PHACTR1: variants seen among roughly 807,000 people sequenced by gnomAD.
PHACTR1 encodes phosphatase and actin regulator 1, also known as RPEL repeat containing 1.
A neutral mutation model predicts 69.2 loss-of-function variants in PHACTR1; 16 were observed. That is an observed-to-expected ratio of 0.23 (90% CI 0.16 to 0.35). The LOEUF (loss-of-function observed/expected upper bound fraction) is 0.35, where lower values mean the gene tolerates loss of function less well. Among genes scored for constraint, PHACTR1 ranks in the 10% least tolerant of loss-of-function variants. PHACTR1 has a pLI of 1.00. For synonymous variants in PHACTR1, 312 were observed against 284.5 expected (o/e 1.10, Z -0.97); for missense variants, 510 against 734.7 (o/e 0.69, Z 3.54).
At position 13,003,965 on chromosome 6, in the gene PHACTR1, G is replaced by GTATATATATATATATATATATATATGTA. The variant is rs772804033; in HGVS notation, c.251-49386_251-49385insTATATATATATGTATATATATATATATA. On this transcript the variant is annotated intron_variant, in intron 4 of 14. Transcript: ENST00000332995. ...CAGTAGTATTCCTATATATATATAT[G>GTATATATATATATATATATATATATGTA]TATATATATATATACACATATATAT... Among the ~76,000 whole-genome samples, 13 of 96,312 alleles carry GTATATATATATATATATATATATATGTA rather than the reference G, an allele frequency of 1.3e-4. 2 individuals are homozygous for GTATATATATATATATATATATATATGTA. The highest frequency in any genetic ancestry group is 5.9e-4 in the African/African-American group (10 of 17,012). The allele number at this position is 96,312 out of a possible 152,430, so 63.2% of individuals were successfully genotyped here.
At chr6:13,262,695 T>G (rs373659292) in intron 10 of PHACTR1, among the ~76,000 whole-genome samples, 50 of 152,288 alleles carry the variant, frequency 3.3e-4, no homozygotes, top group African/African-American at 1.1e-3. Flanking sequence ...TGCTTCTCCC[T>G]TTCCCCTGAT....
At chr6:13,027,978 G>GAT (rs1274458840) in intron 4 of PHACTR1, among the ~76,000 whole-genome samples, 2 of 152,180 alleles carry the variant, frequency 1.3e-5, no homozygotes, top group African/African-American at 2.4e-5. Flanking sequence ...CGCCTGGCCT[G>GAT]ATATATGGAT....
At chr6:13,154,577 T>C (rs1303448722) in intron 5 of PHACTR1, among the ~76,000 whole-genome samples, 1 of 152,204 alleles carries the variant, frequency 6.6e-6, no homozygotes, top group African/African-American at 2.4e-5. Flanking sequence ...ATATCTGCTC[T>C]CATGCTTTTC....
chr6:12,980,099 T>C (rs1046976350), intron 4 of PHACTR1, among the ~76,000 whole-genome samples: 33 of 152,136 alleles, frequency 2.2e-4, no homozygotes, highest in Non-Finnish European at 4.7e-4. Flanking sequence ...CTGGTCAAAT[T>C]ATTTTGTTTT....
At chr6:13,015,187 C>G (rs1800005250) in intron 4 of PHACTR1, among the ~76,000 whole-genome samples, 1 of 152,162 alleles carries the variant, frequency 6.6e-6, no homozygotes, top group Non-Finnish European at 1.5e-5. Context: ...TAGTCGGCCT[C>G]TGAAGTGCAG....
intron 3 of PHACTR1, chr6:12,749,309 GGTGTCAGCCAAAAGCACTGGC>G: frequency 2.4e-6 from 1 of 408,834 alleles, no homozygotes; most frequent in East Asian, 5.9e-5. Flanking sequence ...CGGGAGGCGG[GGTGTCAGCCAAAAGCACTGGC>G]CCCTCGGCCC....
intron 4 of PHACTR1, among the ~76,000 whole-genome samples, chr6:12,752,263 A>T (rs1328258663): frequency 1.3e-5 from 2 of 152,220 alleles, no homozygotes; most frequent in East Asian, 3.8e-4. Flanking sequence ...AGCCTTGTTT[A>T]TCTCCTTAAG....
At chr6:13,219,697 C>T (rs114887063) in intron 8 of PHACTR1, among the ~76,000 whole-genome samples, 2 of 152,246 alleles carry the variant, frequency 1.3e-5, no homozygotes, top group Admixed American at 6.5e-5. Flanking sequence ...TCCATAATAG[C>T]GCTCATCATG....
intron 4 of PHACTR1, among the ~76,000 whole-genome samples, chr6:12,755,946 A>C (rs941596385): frequency 4.6e-5 from 7 of 152,218 alleles, no homozygotes; most frequent in African/African-American, 1.4e-4. Context: ...ACCTCTAAGC[A>C]CTGACCTAGC....
At chr6:12,962,681 C>A (rs1222236502) in intron 4 of PHACTR1, among the ~76,000 whole-genome samples, 1 of 152,182 alleles carries the variant, frequency 6.6e-6, no homozygotes. Flanking sequence ...TTGTACCTAA[C>A]AAGTTTTGCA....
In PHACTR1 at chr6:13,260,184, C is replaced by T. The variant is rs539656951; in HGVS notation, c.1392-12676C>T. Reference sequence around the variant, plus strand: ...TAATTGGTGGTTTTGGAGCATTCATCGTCCAACTGAGAAGATCTTCATGTA... The same window carrying T: ...TAATTGGTGGTTTTGGAGCATTCATTGTCCAACTGAGAAGATCTTCATGTA... On this transcript the variant is annotated intron_variant, in intron 10 of 14. Coordinates refer to ENST00000332995, the MANE Select transcript of PHACTR1 (RefSeq NM_030948.6). Among the ~76,000 whole-genome samples, 13 of 152,284 alleles carry T rather than the reference C, an allele frequency of 8.5e-5. No homozygotes were observed. The South Asian group carries it at 1.2e-3, about 15-fold the overall frequency.
chr6:13,108,502 T>G (rs1816519878), intron 5 of PHACTR1, among the ~76,000 whole-genome samples: 1 of 152,112 alleles, frequency 6.6e-6, no homozygotes. Flanking sequence ...TTTTTCCTCC[T>G]TTCATACTGT....
At chr6:12,976,824 G>A (rs528204111) in intron 4 of PHACTR1, among the ~76,000 whole-genome samples, 17 of 152,010 alleles carry the variant, frequency 1.1e-4, no homozygotes, top group Non-Finnish European at 1.5e-4. Context: ...TTGTGTTCAC[G>A]TAACTGATTT....
chr6:13,000,564 C>T (rs1266473137), intron 4 of PHACTR1, among the ~76,000 whole-genome samples: 6 of 127,632 alleles, frequency 4.7e-5, no homozygotes, highest in African/African-American at 1.8e-4. Flanking sequence ...GAGAGAGAGA[C>T]AAAGAGAGAG....
chr6:12,992,027 C>T (rs1796878264), intron 4 of PHACTR1, among the ~76,000 whole-genome samples: 2 of 151,744 alleles, frequency 1.3e-5, no homozygotes, highest in African/African-American at 4.8e-5. Context: ...CCACCGACAA[C>T]ACACACATTG....
intron 5 of PHACTR1, among the ~76,000 whole-genome samples, chr6:13,081,863 G>T (rs898390910): frequency 2.6e-5 from 4 of 152,098 alleles, no homozygotes; most frequent in Non-Finnish European, 5.9e-5. Flanking sequence ...GGGAAGCGTG[G>T]TTTGTCCTGT....
At position 12,809,638 on chromosome 6, in the gene PHACTR1, A is replaced by G. The variant is rs191454305; in HGVS notation, c.250+59848A>G. 4.2e-3 allele frequency among the ~76,000 whole-genome samples: 638 copies of G among 152,274 alleles called. 5 individuals carry two copies. The highest frequency in any genetic ancestry group is 0.015 in the African/African-American group (616 of 41,548). On this transcript the variant is annotated intron_variant, in intron 4 of 14. Transcript: ENST00000332995. ...AGTTTCTCCATTTATAAAAAATTCT[A>G]TTTACTTCTAGGGAATATTATGCCC... is the stretch of plus-strand genomic sequence containing the variant.
At chr6:12,770,236 A>G (rs1473565432) in intron 4 of PHACTR1, among the ~76,000 whole-genome samples, 1 of 152,228 alleles carries the variant, frequency 6.6e-6, no homozygotes, top group Admixed American at 6.5e-5. Flanking sequence ...TGTTTTTACA[A>G]CAGTCATCTA....
At chr6:13,071,637 A>C (rs1171451498) in intron 5 of PHACTR1, among the ~76,000 whole-genome samples, 1 of 152,154 alleles carries the variant, frequency 6.6e-6, no homozygotes, top group African/African-American at 2.4e-5. Flanking sequence ...AGACTATTGT[A>C]ATGTTTGGTC....
Sources: allele counts gnomAD v4.1 joint callset (sites outside exome capture counted in the v4.1 genomes callset), GRCh38; gene constraint gnomAD v4.1.1; transcripts MANE v1.5; gene names NCBI Gene and HGNC (gene_info 2026-07-23, HGNC 2026-07-21).